The following MLKL variants were observed in gnomAD, a reference collection of about 807,000 sequenced individuals.
MLKL encodes mixed lineage kinase domain-like protein.
A neutral mutation model predicts 56.5 loss-of-function variants in MLKL; 55 were observed. The ratio of observed to expected loss-of-function variants is 0.97; its 90% CI spans 0.78 to 1.22. The LOEUF (loss-of-function observed/expected upper bound fraction) is 1.22, where lower values mean the gene tolerates loss of function less well. Among genes scored for constraint, MLKL ranks in the 50% most tolerant of loss-of-function variants. The pLI is 0.00. For missense variants in MLKL, 694 were observed against 573.9 expected (o/e 1.21, Z -2.14); for synonymous variants, 251 against 208.3 (o/e 1.20, Z -1.76).
chr16:74,681,743 G>T (rs1488839783), intron 6 of MLKL, among the ~76,000 whole-genome samples: 2 of 151,692 alleles, frequency 1.3e-5, no homozygotes. Flanking sequence ...GCAGTGAGCC[G>T]AGATCGTGCC....
In MLKL at chr16:74,675,340, C is replaced by T; in HGVS notation, c.1240+15G>A. 6.2e-7 allele frequency: 1 copy of T among 1,614,120 alleles called. No homozygotes were observed. On this transcript the variant is annotated intron_variant, in intron 9 of 10. Transcript: ENST00000308807. ...CAACCTCACCACTGGCTGAGCCAGT[C>T]TTCACATTCTTCACCTTGAAACGGG...
chr16:74,672,826 G>C (rs543023109), intron 10 of MLKL, among the ~76,000 whole-genome samples: 1 of 152,350 alleles, frequency 6.6e-6, no homozygotes, highest in East Asian at 1.9e-4. Flanking sequence ...TTGTAAGGGA[G>C]CTTGGTAGAA....
intron 6 of MLKL, 36 bp downstream of exon 6, chr16:74,682,615 T>C: frequency 6.2e-7 from 1 of 1,611,352 alleles, no homozygotes; most frequent in Non-Finnish European, 8.5e-7. Context: ...GACAGACCCA[T>C]CCAACCCTTA....
Position 74,688,726 on chromosome 16 carries a change from C to CA in MLKL, c.722+2550dup, listed in dbSNP as rs541926332. 1.6e-4 allele frequency among the ~76,000 whole-genome samples: 24 copies of CA among 151,984 alleles called. No homozygotes were observed. In the South Asian group the frequency reaches 4.6e-3, roughly 29 times the overall value. ...AGACTCCATCTCAAACAGAACAAAA[C>CA]AAAAAACCCCCAAAACCTGTACATG... On this transcript the variant is annotated intron_variant, in intron 4 of 10. Coordinates refer to ENST00000308807, the MANE Select transcript of MLKL (RefSeq NM_152649.4).
intron 4 of MLKL, among the ~76,000 whole-genome samples, chr16:74,685,986 G>A (rs1960303563): frequency 1.3e-5 from 2 of 150,378 alleles, no homozygotes; most frequent in South Asian, 4.2e-4. Flanking sequence ...TGGAGACAGG[G>A]TCTTGCTTTG....
chr16:74,678,470 T>G (rs1959741739), intron 7 of MLKL: 1 of 166,218 alleles, frequency 6.0e-6, no homozygotes, highest in Admixed American at 5.9e-5. Flanking sequence ...ACTAAAAAAC[T>G]AAAATTGAAC....
rs968542672 is a variant in MLKL, at chr16:74,678,785, A to T, written c.1038+114T>A. On this transcript the variant is annotated intron_variant, in intron 7 of 10. Transcript: ENST00000308807. Reference sequence around the variant, plus strand: ...TGACAGAAAGAGACTCTGTCTCTAAATAAATAAATAAATAAACTAAGACAA... The same window carrying T: ...TGACAGAAAGAGACTCTGTCTCTAATTAAATAAATAAATAAACTAAGACAA... 1.2e-5 allele frequency: 9 copies of T among 730,584 alleles called. No individual in the cohort carries two copies. The South Asian group carries it at 1.6e-4, about 13-fold the overall frequency. 45.3% of individuals were successfully genotyped at this position (730,584 alleles called of 1,614,324 possible).
At chr16:74,689,938 G>C (rs1960566676) in intron 4 of MLKL, among the ~76,000 whole-genome samples, 1 of 152,194 alleles carries the variant, frequency 6.6e-6, no homozygotes, top group African/African-American at 2.4e-5. Context: ...AAAGTTAAGA[G>C]AGGAAAATAT....
chr16:74,688,267 G>A (rs539254715), intron 4 of MLKL, among the ~76,000 whole-genome samples: 58 of 152,268 alleles, frequency 3.8e-4, no homozygotes, highest in Non-Finnish European at 7.9e-4. Context: ...GCAGTGCCAG[G>A]CCAGCACAGT....
chr16:74,695,499 T>A lies in MLKL; in HGVS notation c.259A>T (p.Arg87Trp), dbSNP rs569140125. The change falls in exon 2 of 11, where the codon AGG becomes TGG. Residue 87 changes from arginine (R) to tryptophan (W), a missense_variant. Arg to Trp is a moderately radical substitution (Grantham distance 101). Coordinates refer to ENST00000308807, the MANE Select transcript of MLKL (RefSeq NM_152649.4). The stretch of plus-strand genomic sequence containing the variant: ...TTGTCCTGGCTTGCTGTTAGAAACC[T>A]GCAGATATTGGATCTATTGCTGAAC... ...EKFSNRSNIC[R>W]FLTASQDKIL... 1.2e-6 allele frequency: 2 copies of A among 1,613,438 alleles called. No individual in the cohort carries two copies. Among genetic ancestry groups the A allele is most frequent in the Middle Eastern group, 1.7e-4 (1 of 6,060 alleles).
intron 3 of MLKL, among the ~76,000 whole-genome samples, chr16:74,692,034 A>C (rs969848833): frequency 2.0e-5 from 3 of 152,226 alleles, no homozygotes; most frequent in African/African-American, 7.2e-5. Context: ...GGGCATTTTA[A>C]ATTTGATTTG....
chr16:74,700,633 G>C lies in MLKL; in HGVS notation c.-183C>G, dbSNP rs559003829. 1 of 152,530 alleles carries C rather than the reference G, an allele frequency of 6.6e-6. No homozygotes were observed. The highest frequency in any genetic ancestry group is 1.5e-5 in the Non-Finnish European group (1 of 68,194). The allele number at this position is 152,530 out of a possible 1,614,324, so 9.4% of individuals were successfully genotyped here. A position where few individuals can be genotyped will look rare whatever the true frequency, so the allele number is the denominator to read the frequency against. On this transcript the variant is annotated 5_prime_UTR_variant, in exon 1 of 11. Coordinates refer to ENST00000308807, the MANE Select transcript of MLKL (RefSeq NM_152649.4). The stretch of plus-strand genomic sequence containing the variant: ...GCCCGCACCCTGCACTCTGCTGACT[G>C]TACCGGACGCCACACGTGGCTGGCG...
At chr16:74,684,895 T>A (rs1197516529) in intron 5 of MLKL, among the ~76,000 whole-genome samples, 1 of 151,248 alleles carries the variant, frequency 6.6e-6, no homozygotes, top group African/African-American at 2.4e-5. Flanking sequence ...GACGGAGTCT[T>A]GCTCTGTTGC....
At chr16:74,683,058 C>A (rs1241173082) in intron 5 of MLKL, among the ~76,000 whole-genome samples, 1 of 152,126 alleles carries the variant, frequency 6.6e-6, no homozygotes, top group Non-Finnish European at 1.5e-5. Flanking sequence ...TGCCTGTAAT[C>A]CCAGCACTTT....
At position 74,674,975 on chromosome 16, in the gene MLKL, G is replaced by T; in HGVS notation, c.1366C>A (p.Arg456=). The T allele has an allele frequency of 1.9e-6, 3 of 1,614,114 alleles. No homozygotes were observed. Among genetic ancestry groups the T allele is most frequent in the Non-Finnish European group, 2.5e-6 (3 of 1,180,016 alleles). ...DECRAHDPSV[R]PSVDEILKKL... ...AGAACCCTACCATCCACAGAGGGCC[G>T]CACAGAGGGATCATGGGCCCGGCAC... Residue 456 remains arginine, a synonymous_variant, in exon 10 of 11, where the codon CGG becomes AGG. Transcript: ENST00000308807.
At chr16:74,693,470 A>G (rs1210915608) in intron 2 of MLKL, among the ~76,000 whole-genome samples, 13 of 20,524 alleles carry the variant, frequency 6.3e-4, no homozygotes, top group African/African-American at 2.2e-3. Flanking sequence ...AAAAAAAAAG[A>G]AAAGAAAAAA....
chr16:74,681,074 G>C (rs562577290), intron 6 of MLKL, among the ~76,000 whole-genome samples: 2 of 152,130 alleles, frequency 1.3e-5, no homozygotes, highest in East Asian at 3.9e-4. Context: ...GCCCAGCCTG[G>C]AGTGCAGTGG....
At chr16:74,674,839 G>T in intron 10 of MLKL, 121 bp downstream of exon 10, 1 of 1,207,828 alleles carries the variant, frequency 8.3e-7, no homozygotes, top group Non-Finnish European at 1.2e-6. Flanking sequence ...ATCACTAAAT[G>T]TTCCCCGGAT....
chr16:74,691,995 T>A (rs1306898375), intron 3 of MLKL, among the ~76,000 whole-genome samples: 3 of 152,244 alleles, frequency 2.0e-5, no homozygotes, highest in Non-Finnish European at 4.4e-5. Context: ...AACCAGATAC[T>A]CACAGTTTTG....
Sources: gnomAD v4.1 joint callset for allele counts (sites outside exome capture counted in the v4.1 genomes callset) on GRCh38, gnomAD v4.1.1 for gene constraint, MANE v1.5 for transcripts, NCBI Gene and HGNC (gene_info 2026-07-23, HGNC 2026-07-21) for gene names.